The following PCDHA10 variants were observed in gnomAD, a reference collection of about 807,000 sequenced individuals.
PCDHA10 encodes protocadherin alpha-10.
In PCDHA10, 45 loss-of-function variants were observed where a neutral mutation model predicts 61.2. That is an observed-to-expected ratio of 0.74 (90% confidence interval 0.58 to 0.94). The LOEUF (loss-of-function observed/expected upper bound fraction) is 0.94, where lower values mean the gene tolerates loss of function less well. Among genes scored for constraint, PCDHA10 ranks in the 40% least tolerant of loss-of-function variants. The pLI is 0.00. For synonymous variants in PCDHA10, 602 were observed against 548.8 expected (o/e 1.10, Z -1.35); for missense variants, 1,278 against 1,236.2 (o/e 1.03, Z -0.51).
intron 1 of PCDHA10, chr5:140,869,028 G>C: frequency 1.3e-6 from 2 of 1,526,584 alleles, no homozygotes; most frequent in Non-Finnish European, 1.8e-6. Flanking sequence ...AATTCAACGA[G>C]ATTTTTAACC....
chr5:140,926,757 A>T, intron 1 of PCDHA10: 1 of 1,278,278 alleles, frequency 7.8e-7, no homozygotes, highest in Non-Finnish European at 1.0e-6. Flanking sequence ...GCGGTCGCTG[A>T]GTATCCAGCC....
At position 141,010,305 on chromosome 5, in the gene PCDHA10, G is replaced by GT; in HGVS notation, c.*372dup. 1 of 1,548,478 alleles carries GT rather than the reference G, an allele frequency of 6.5e-7. No homozygotes were observed. Among genetic ancestry groups the GT allele is most frequent in the Non-Finnish European group, 8.7e-7 (1 of 1,146,036 alleles). On this transcript the variant is annotated 3_prime_UTR_variant, in exon 4 of 4. Transcript: ENST00000307360. ...TGACACTTGCAGGGCAGGCTGAAAAGTTTTGAGATTGAGCAGCTTGGGAGT... is the reference window on the plus strand; with the variant it reads ...TGACACTTGCAGGGCAGGCTGAAAAGTTTTTGAGATTGAGCAGCTTGGGAGT...
chr5:140,882,608 C>T (rs748674238), intron 1 of PCDHA10: 20 of 1,614,132 alleles, frequency 1.2e-5, no homozygotes, highest in Non-Finnish European at 1.7e-5. Flanking sequence ...GGACAGGCCT[C>T]TGCAGGTTTT....
chr5:140,887,446 C>T (rs554116341), intron 1 of PCDHA10, among the ~76,000 whole-genome samples: 1 of 152,170 alleles, frequency 6.6e-6, no homozygotes, highest in East Asian at 1.9e-4. Flanking sequence ...GCATAGTTGA[C>T]AGTTTTTTAA....
chr5:140,883,762 G>T, intron 1 of PCDHA10: 3 of 1,612,794 alleles, frequency 1.9e-6, no homozygotes, highest in Non-Finnish European at 2.5e-6. Context: ...TGGAGCGGCG[G>T]GTGGGCGAGC....
chr5:140,965,975 T>TGA (rs1554227957), intron 1 of PCDHA10, among the ~76,000 whole-genome samples: 1 of 152,180 alleles, frequency 6.6e-6, no homozygotes, highest in Non-Finnish European at 1.5e-5. Flanking sequence ...CCCTAGGAGT[T>TGA]GAGCACTTTC....
chr5:140,967,935 A>C (rs186453952), intron 1 of PCDHA10: 1 of 1,614,214 alleles, frequency 6.2e-7, no homozygotes, highest in Admixed American at 1.7e-5. Context: ...CTCAGTGTCA[A>C]TGACCAAGAC....
chr5:140,928,149 T>C, intron 1 of PCDHA10: 2 of 1,614,194 alleles, frequency 1.2e-6, no homozygotes, highest in Non-Finnish European at 8.5e-7. Flanking sequence ...CGGCCTCAGA[T>C]AGTGGCTCAC....
rs782699904 is a variant in PCDHA10 at position 140,969,414 on chromosome 5, G to A, written c.2389-9535G>A. The A allele has an allele frequency of 6.4e-6, 10 of 1,566,012 alleles. No homozygotes were observed. The Admixed American group carries it at 1.3e-4, about 21-fold the overall frequency. On this transcript the variant is annotated intron_variant, in intron 1 of 3. Coordinates refer to ENST00000307360, the MANE Select transcript of PCDHA10 (RefSeq NM_018901.4). ...ATATCCTGTGATTTGGCTTTATTGA[G>A]TCATTAACAGTGACAAGAGTTATCT...
At position 140,856,229 on chromosome 5, in the gene PCDHA10, C is replaced by CG. The variant is rs2043871917; in HGVS notation, c.182dup (p.Leu62ProfsTer29). 1 of 1,597,818 alleles carries CG rather than the reference C, an allele frequency of 6.3e-7. No individual in the cohort carries two copies. The highest frequency in any genetic ancestry group is 8.6e-7 in the Non-Finnish European group (1 of 1,167,852). On this transcript the variant is annotated frameshift_variant, in exon 1 of 4. Transcript: ENST00000307360. LOFTEE classifies it high-confidence loss of function. ...GCTGGAGCTGGCGGAGCTGGTGCAGCGCCTGTTCCGGGTGGCGTCCAAAAG... is the reference window on the plus strand; with the variant it reads ...GCTGGAGCTGGCGGAGCTGGTGCAGCGGCCTGTTCCGGGTGGCGTCCAAAAG...
At position 140,993,525 on chromosome 5, in the gene PCDHA10, G is replaced by C. The variant is rs573802745; in HGVS notation, c.2536+10962G>C. On this transcript the variant is annotated intron_variant, in intron 3 of 3. Coordinates refer to ENST00000307360, the MANE Select transcript of PCDHA10 (RefSeq NM_018901.4). Reference sequence around the variant, plus strand: ...ACACACACACGGGGAGAGAGAGACAGAGAGAGAGAGAGATAGAGAAGTGAA... The same window carrying C: ...ACACACACACGGGGAGAGAGAGACACAGAGAGAGAGAGATAGAGAAGTGAA... Among the ~76,000 whole-genome samples the C allele has an allele frequency of 4.8e-5, 7 of 147,308 alleles. No homozygotes were observed. The East Asian group carries it at 1.2e-3, about 24-fold the overall frequency.
chr5:140,896,540 T>C (rs1372765271), intron 1 of PCDHA10, among the ~76,000 whole-genome samples: 1 of 151,560 alleles, frequency 6.6e-6, no homozygotes, highest in Non-Finnish European at 1.5e-5. Flanking sequence ...ATTTTTCTTT[T>C]TTTTTTTTGT....
chr5:140,878,273 G>T (rs2057527007), intron 1 of PCDHA10, among the ~76,000 whole-genome samples: 1 of 152,096 alleles, frequency 6.6e-6, no homozygotes, highest in Non-Finnish European at 1.5e-5. Flanking sequence ...TTTTAAAATA[G>T]CCTTCTTGAT....
chr5:141,010,272 T>C lies in PCDHA10; in HGVS notation c.*335T>C. On this transcript the variant is annotated 3_prime_UTR_variant, in exon 4 of 4. Coordinates refer to ENST00000307360, the MANE Select transcript of PCDHA10 (RefSeq NM_018901.4). ...TCTCTGCCCTGTGCTCCGGGGATCC[T>C]GTCTTGATGACACTTGCAGGGCAGG... The C allele has an allele frequency of 6.4e-7, 1 of 1,551,508 alleles. No homozygotes were observed. Among genetic ancestry groups the C allele is most frequent in the Non-Finnish European group, 8.7e-7 (1 of 1,146,940 alleles).
intron 2 of PCDHA10, 29 bp downstream of exon 2, chr5:140,979,036 A>G: frequency 6.2e-7 from 1 of 1,613,064 alleles, no homozygotes. Context: ...ATTCACTCAG[A>G]AGTAACCTTA....
chr5:140,911,974 A>C (rs1471523711), intron 1 of PCDHA10, among the ~76,000 whole-genome samples: 3 of 152,212 alleles, frequency 2.0e-5, no homozygotes, highest in African/African-American at 4.8e-5. Flanking sequence ...GTATTAACTC[A>C]CATGATCACA....
In PCDHA10 at chr5:140,857,896, T is replaced by A; in HGVS notation, c.1848T>A (p.Gly616=). 4 of 1,597,704 alleles carry A rather than the reference T, an allele frequency of 2.5e-6. 1 individual carries two copies. The highest frequency in any genetic ancestry group is 3.4e-6 in the Non-Finnish European group (4 of 1,167,490). Residue 616 remains glycine, a synonymous_variant, in exon 1 of 4, where the codon GGT becomes GGA. Coordinates refer to ENST00000307360, the MANE Select transcript of PCDHA10 (RefSeq NM_018901.4). ...ATGAATTGCAGTCGGCGGCGGTTGGTGCACGCATCCCGTTTCGCGTGGGGC... is the reference window on the plus strand; with the variant it reads ...ATGAATTGCAGTCGGCGGCGGTTGGAGCACGCATCCCGTTTCGCGTGGGGC... ...LSYELQSAAV[G]ARIPFRVGLY... is the part of the protein sequence containing the mutation.
intron 1 of PCDHA10, chr5:140,967,333 C>T (rs113984883): frequency 1.9e-6 from 3 of 1,608,148 alleles, no homozygotes; most frequent in Admixed American, 1.7e-5. Context: ...AGCTCAGCCC[C>T]AGCGAGCACT....
chr5:140,913,117 GT>G (rs1393810466), intron 1 of PCDHA10, among the ~76,000 whole-genome samples: 23 of 152,262 alleles, frequency 1.5e-4, no homozygotes, highest in Admixed American at 5.2e-4. Flanking sequence ...CAGTTTGGAA[GT>G]TAACCCCTCC....
Sources: gnomAD v4.1 joint callset for allele counts (sites outside exome capture counted in the v4.1 genomes callset) on GRCh38, gnomAD v4.1.1 for gene constraint, MANE v1.5 for transcripts, NCBI Gene and HGNC (gene_info 2026-07-23, HGNC 2026-07-21) for gene names.